The following RTN4 variants were observed in gnomAD, a reference collection of about 807,000 sequenced individuals.
RTN4 encodes reticulon 4.
In RTN4, 32 loss-of-function variants were observed where a neutral mutation model predicts 90.4. The ratio of observed to expected loss-of-function variants is 0.35; its 90% CI spans 0.27 to 0.48. The LOEUF is 0.48. Among genes scored for constraint, RTN4 ranks in the 20% least tolerant of loss-of-function variants. RTN4 has a pLI of 0.99. For synonymous variants in RTN4, 629 were observed against 552.5 expected (o/e 1.14, Z -1.94); for missense variants, 1,706 against 1,430.2 (o/e 1.19, Z -3.11).
chr2:54,974,999 G>C (rs1355096553), intron 5 of RTN4, among the ~76,000 whole-genome samples: 1 of 152,180 alleles, frequency 6.6e-6, no homozygotes, highest in African/African-American at 2.4e-5. Flanking sequence ...CCAAGTAGTT[G>C]ATTCTGCTGA....
At chr2:55,030,242 C>A (rs1682205812) in intron 1 of RTN4, among the ~76,000 whole-genome samples, 1 of 151,748 alleles carries the variant, frequency 6.6e-6, no homozygotes, top group African/African-American at 2.4e-5. Context: ...GTGCAATAAT[C>A]TTTTATAATA....
intron 8 of RTN4, 152 bp downstream of exon 8, chr2:54,973,411 A>AATG: frequency 1.3e-6 from 1 of 779,620 alleles, no homozygotes; most frequent in Non-Finnish European, 2.1e-6. Flanking sequence ...GAATGGTCCA[A>AATG]ATGTTAGAAA....
At chr2:55,016,452 C>T (rs969896025) in intron 3 of RTN4, among the ~76,000 whole-genome samples, 1 of 151,872 alleles carries the variant, frequency 6.6e-6, no homozygotes, top group South Asian at 2.1e-4. Flanking sequence ...GCACGGTGGC[C>T]CACACCTGTA....
intron 2 of RTN4, chr2:55,080,471 C>G (rs1007270645): frequency 6.6e-6 from 1 of 152,128 alleles, no homozygotes; most frequent in African/African-American, 2.4e-5. Flanking sequence ...TATCACAGAG[C>G]AAATTCATAC....
At chr2:55,045,968 C>T (rs752944475) in intron 1 of RTN4, among the ~76,000 whole-genome samples, 1 of 152,176 alleles carries the variant, frequency 6.6e-6, no homozygotes, top group African/African-American at 2.4e-5. Context: ...GAAAAATGGC[C>T]CTCAAGTGAG....
chr2:55,043,633 C>T (rs1683218126), intron 1 of RTN4, among the ~76,000 whole-genome samples: 1 of 152,096 alleles, frequency 6.6e-6, no homozygotes, highest in Non-Finnish European at 1.5e-5. Context: ...CACCTGTAAT[C>T]CCAGAATTGT....
chr2:55,116,692 G>C (rs756801592), upstream of RTN4, among the ~76,000 whole-genome samples: 16 of 152,132 alleles, frequency 1.1e-4, no homozygotes, highest in Non-Finnish European at 2.1e-4. Context: ...CAGCTAATGA[G>C]TGGCAGAGGC....
chr2:55,109,529 A>C (rs1484523512), intron 1 of RTN4, among the ~76,000 whole-genome samples: 1 of 152,162 alleles, frequency 6.6e-6, no homozygotes, highest in African/African-American at 2.4e-5. Flanking sequence ...AAGGACATTT[A>C]TCTCTGGAAT....
At chr2:54,974,823 T>G (rs914165721) in intron 5 of RTN4, 59 bp from the exon 6 acceptor site, 41 of 1,471,572 alleles carry the variant, frequency 2.8e-5, no homozygotes, top group Middle Eastern at 3.5e-4. Flanking sequence ...TTCTTAATTA[T>G]GCTTTCAAAA....
intron 2 of RTN4, chr2:55,056,572 A>C (rs1048527099): frequency 1.3e-5 from 2 of 152,000 alleles, no homozygotes; most frequent in Non-Finnish European, 2.9e-5. Flanking sequence ...AAAAAATACA[A>C]AAATTAGCTG....
At chr2:54,973,758 C>T (rs898324361) in intron 7 of RTN4, 63 bp downstream of exon 7, 31 of 1,539,224 alleles carry the variant, frequency 2.0e-5, no homozygotes, top group African/African-American at 1.5e-4. Flanking sequence ...CTAATACATC[C>T]GTAAATCCCA....
chr2:55,063,604 G>A (rs769939920), intron 2 of RTN4, among the ~76,000 whole-genome samples: 6 of 152,042 alleles, frequency 3.9e-5, no homozygotes, highest in South Asian at 4.1e-4. Flanking sequence ...TTCTGGGCCC[G>A]ACGCAGTGGC....
At chr2:55,035,907 G>A (rs953446797) in intron 1 of RTN4, among the ~76,000 whole-genome samples, 1 of 152,038 alleles carries the variant, frequency 6.6e-6, no homozygotes, top group African/African-American at 2.4e-5. Context: ...AAATGAAATA[G>A]ATGCATTCCT....
chr2:55,030,245 T>A (rs910245934), intron 1 of RTN4, among the ~76,000 whole-genome samples: 6 of 152,126 alleles, frequency 3.9e-5, no homozygotes, highest in African/African-American at 1.4e-4. Context: ...CAATAATCTT[T>A]TATAATAAAA....
At chr2:55,048,315 G>A (rs1667885460) in intron 1 of RTN4, among the ~76,000 whole-genome samples, 1 of 152,102 alleles carries the variant, frequency 6.6e-6, no homozygotes. Context: ...GACACTCTAC[G>A]GTTAGGCTAC....
intron 4 of RTN4, among the ~76,000 whole-genome samples, chr2:54,984,075 C>T (rs989965308): frequency 3.9e-5 from 6 of 152,206 alleles, no homozygotes; most frequent in Admixed American, 1.3e-4. Flanking sequence ...TTTTCCCAAT[C>T]TGCAATGCTC....
chr2:55,081,900 A>G (rs540909501), intron 1 of RTN4, among the ~76,000 whole-genome samples: 27 of 151,000 alleles, frequency 1.8e-4, no homozygotes, highest in African/African-American at 6.3e-4. Flanking sequence ...AGAGAGATCT[A>G]TCCCCTGCCT....
intron 5 of RTN4, among the ~76,000 whole-genome samples, chr2:54,979,790 A>C (rs1677969637): frequency 6.6e-6 from 1 of 152,168 alleles, no homozygotes; most frequent in Admixed American, 6.5e-5. Context: ...TGCCAGGTTC[A>C]CTTTAAGTGC....
At chr2:55,075,666 C>T (rs1668586950) in intron 2 of RTN4, among the ~76,000 whole-genome samples, 1 of 152,102 alleles carries the variant, frequency 6.6e-6, no homozygotes, top group Admixed American at 6.5e-5. Flanking sequence ...AATCTGGAGG[C>T]ATTACATTAC....
Sources: allele counts gnomAD v4.1 joint callset (sites outside exome capture counted in the v4.1 genomes callset), GRCh38; gene constraint gnomAD v4.1.1; transcripts MANE v1.5; gene names NCBI Gene and HGNC (gene_info 2026-07-23, HGNC 2026-07-21).